The following FCHSD2 variants were observed in gnomAD, a reference collection of about 807,000 sequenced individuals.
FCHSD2 encodes the protein FCH and double SH3 domains 2, also known as F-BAR and double SH3 domains protein 2.
Under a neutral mutation model 108.1 loss-of-function variants are expected in FCHSD2, and 38 were observed. The observed-to-expected ratio is 0.35, with a 90% CI of 0.27 to 0.46. The LOEUF (loss-of-function observed/expected upper bound fraction) is 0.46. Ranked by LOEUF, FCHSD2 falls within the 20% of genes least tolerant of loss-of-function variation. FCHSD2 has a pLI of 1.00. For synonymous variants in FCHSD2, 279 were observed against 314.7 expected (o/e 0.89, Z 1.20); for missense variants, 751 against 897.8 (o/e 0.84, Z 2.09).
intron 9 of FCHSD2, 56 bp downstream of exon 9, chr11:72,921,772 A>G: frequency 6.8e-7 from 1 of 1,474,972 alleles, no homozygotes. Context: ...TTGTATGCAG[A>G]AATACTTTAG....
intron 3 of FCHSD2, among the ~76,000 whole-genome samples, chr11:73,078,636 T>TA (rs138510554): frequency 0.2 from 28,531 of 142,526 alleles, 3,042 homozygotes; most frequent in East Asian, 0.5. Flanking sequence ...ACTATTCTGA[T>TA]AAAAAAAAAA....
intron 8 of FCHSD2, among the ~76,000 whole-genome samples, chr11:72,948,315 A>G (rs1451602837): frequency 1.3e-5 from 2 of 152,262 alleles, no homozygotes; most frequent in East Asian, 1.9e-4. Context: ...GCCACTGGAT[A>G]TCATAAATTA....
intron 8 of FCHSD2, among the ~76,000 whole-genome samples, chr11:72,946,038 A>G (rs1041549441): frequency 2.0e-5 from 3 of 152,208 alleles, no homozygotes; most frequent in African/African-American, 7.2e-5. Flanking sequence ...CAGCCATTCC[A>G]TTACCGAGTA....
At chr11:73,048,559 A>G (rs1464595283) in intron 3 of FCHSD2, among the ~76,000 whole-genome samples, 1 of 152,218 alleles carries the variant, frequency 6.6e-6, no homozygotes, top group Non-Finnish European at 1.5e-5. Context: ...AAGTTCAGGT[A>G]TCCTTCACAT....
chr11:72,937,627 G>A (rs981011961), intron 8 of FCHSD2, among the ~76,000 whole-genome samples: 2 of 152,148 alleles, frequency 1.3e-5, no homozygotes, highest in Non-Finnish European at 2.9e-5. Flanking sequence ...ATAGGCGTGA[G>A]CCACCGCGCC....
chr11:73,074,168 T>C (rs1226637001), intron 3 of FCHSD2, among the ~76,000 whole-genome samples: 2 of 152,190 alleles, frequency 1.3e-5, no homozygotes, highest in African/African-American at 4.8e-5. Context: ...TTAACTAATG[T>C]GCCACAAAAT....
chr11:72,976,559 T>C (rs1443991242), intron 8 of FCHSD2, among the ~76,000 whole-genome samples: 2 of 152,050 alleles, frequency 1.3e-5, no homozygotes. Flanking sequence ...GGATGACAGG[T>C]GTAAGCCACT....
intron 8 of FCHSD2, among the ~76,000 whole-genome samples, chr11:72,980,417 T>A (rs2135394597): frequency 6.6e-6 from 1 of 152,232 alleles, no homozygotes; most frequent in South Asian, 2.1e-4. Flanking sequence ...AGAGTTACAA[T>A]TTCATTTCAT....
intron 4 of FCHSD2, among the ~76,000 whole-genome samples, chr11:73,014,783 A>G (rs1443807182): frequency 6.6e-6 from 1 of 152,214 alleles, no homozygotes; most frequent in East Asian, 1.9e-4. Context: ...CTTCAACACA[A>G]AGGACAACTC....
At chr11:73,141,708 C>G in intron 1 of FCHSD2, 149 bp downstream of exon 1, 1 of 810,640 alleles carries the variant, frequency 1.2e-6, no homozygotes, top group Non-Finnish European at 1.9e-6. Context: ...GCGCGCCCCC[C>G]ACCTGGAGCC....
At chr11:72,910,263 C>T (rs1855734436) in intron 9 of FCHSD2, among the ~76,000 whole-genome samples, 1 of 152,104 alleles carries the variant, frequency 6.6e-6, no homozygotes, top group African/African-American at 2.4e-5. Flanking sequence ...CCGGCCACCC[C>T]ATCTGGGAAG....
chr11:73,046,981 T>C (rs1302406102), intron 3 of FCHSD2, among the ~76,000 whole-genome samples: 1 of 152,166 alleles, frequency 6.6e-6, no homozygotes, highest in Non-Finnish European at 1.5e-5. Flanking sequence ...ATGCTGTCAA[T>C]AAAATGAGGT....
At chr11:73,099,894 C>T (rs543038619) in intron 2 of FCHSD2, among the ~76,000 whole-genome samples, 25 of 152,340 alleles carry the variant, frequency 1.6e-4, no homozygotes, top group African/African-American at 5.5e-4. Context: ...AGGGGACTTT[C>T]GGCACTTGCC....
chr11:72,849,072 G>C (rs1861219555), intron 14 of FCHSD2, among the ~76,000 whole-genome samples: 1 of 152,176 alleles, frequency 6.6e-6, no homozygotes, highest in Non-Finnish European at 1.5e-5. Context: ...TGGCTACACA[G>C]GGATGTGGCG....
intron 8 of FCHSD2, among the ~76,000 whole-genome samples, chr11:72,946,754 T>C (rs1411493785): frequency 6.6e-6 from 1 of 152,196 alleles, no homozygotes; most frequent in African/African-American, 2.4e-5. Flanking sequence ...GTAACTCTAC[T>C]TTTTACAACC....
At chr11:72,859,685 T>G (rs1861519507) in intron 13 of FCHSD2, among the ~76,000 whole-genome samples, 1 of 152,126 alleles carries the variant, frequency 6.6e-6, no homozygotes, top group African/African-American at 2.4e-5. Flanking sequence ...GCGCAGAACT[T>G]AGGAAATCTG....
intron 4 of FCHSD2, among the ~76,000 whole-genome samples, chr11:73,012,692 G>A (rs1857887565): frequency 6.6e-6 from 1 of 152,062 alleles, no homozygotes. Context: ...ACACCTGGGA[G>A]TCATTGTATA....
intron 9 of FCHSD2, among the ~76,000 whole-genome samples, chr11:72,910,222 C>T (rs1457173972): frequency 2.0e-5 from 3 of 149,852 alleles, no homozygotes; most frequent in Non-Finnish European, 4.4e-5. Flanking sequence ...GCCTGGCTGC[C>T]CATCATCTGG....
chr11:73,075,660 C>G (rs1859532710), intron 3 of FCHSD2, among the ~76,000 whole-genome samples: 1 of 151,616 alleles, frequency 6.6e-6, no homozygotes, highest in Non-Finnish European at 1.5e-5. Flanking sequence ...ACTAAAAATA[C>G]AAAAATTAGC....
Sources: gnomAD v4.1 joint callset for allele counts (sites outside exome capture counted in the v4.1 genomes callset) on GRCh38, gnomAD v4.1.1 for gene constraint, MANE v1.5 for transcripts, NCBI Gene and HGNC (gene_info 2026-07-23, HGNC 2026-07-21) for gene names.